The following ARID2 variants were observed in gnomAD, a reference collection of about 807,000 sequenced individuals.
The protein encoded by ARID2 is AT-rich interaction domain 2, also known as AT-rich interactive domain-containing protein 2.
ARID2 carries 32 observed loss-of-function variants against 184.6 expected under a neutral mutation model. The ratio of observed to expected loss-of-function variants is 0.17; its 90% CI spans 0.13 to 0.23. The LOEUF (loss-of-function observed/expected upper bound fraction) is 0.23, where lower values mean the gene tolerates loss of function less well. ARID2 is among the 10% of genes least tolerant of loss of function. The pLI is 1.00. For synonymous variants in ARID2, 836 were observed against 772.6 expected (o/e 1.08, Z -1.36); for missense variants, 1,696 against 2,197.6 (o/e 0.77, Z 4.56).
At chr12:45,771,683 T>C (rs988762428) in intron 3 of ARID2, among the ~76,000 whole-genome samples, 1 of 148,866 alleles carries the variant, frequency 6.7e-6, no homozygotes, top group African/African-American at 2.5e-5. Flanking sequence ...AAAGAGCAAA[T>C]GTGTAAAACT....
intron 3 of ARID2, among the ~76,000 whole-genome samples, chr12:45,795,668 C>G (rs1942379332): frequency 6.6e-6 from 1 of 151,790 alleles, no homozygotes; most frequent in Non-Finnish European, 1.5e-5. Flanking sequence ...GATCTCCTGA[C>G]CTCGTGATCC....
chr12:45,748,352 C>G lies in ARID2; in HGVS notation c.284+17038C>G, dbSNP rs147368056. On this transcript the variant is annotated intron_variant, in intron 3 of 20. Transcript: ENST00000334344. ...GCTGCAGTGAGCCATGATTGTGCCA[C>G]TGGACTCCATCTAGCCTGGACAATA... Among the ~76,000 whole-genome samples the G allele has an allele frequency of 1.5e-3, 222 of 152,308 alleles. 2 individuals are homozygous for G. In the East Asian group the frequency reaches 0.015, roughly 11 times the overall value.
intron 3 of ARID2, among the ~76,000 whole-genome samples, chr12:45,784,966 C>T (rs1169090249): frequency 2.0e-5 from 3 of 152,106 alleles, no homozygotes; most frequent in Admixed American, 1.3e-4. Flanking sequence ...CCACACAGCT[C>T]GTTAAGAAGC....
intron 16 of ARID2, among the ~76,000 whole-genome samples, chr12:45,890,875 T>C (rs188911168): frequency 6.6e-6 from 1 of 152,162 alleles, no homozygotes; most frequent in Admixed American, 6.5e-5. Flanking sequence ...ATCTTAAAGA[T>C]ATTGATTATG....
chr12:45,884,811 C>A (rs1340771625), intron 16 of ARID2, among the ~76,000 whole-genome samples: 1 of 152,118 alleles, frequency 6.6e-6, no homozygotes, highest in Non-Finnish European at 1.5e-5. Flanking sequence ...ACAAAAGCCC[C>A]CCAAGAAGGC....
intron 15 of ARID2, among the ~76,000 whole-genome samples, chr12:45,855,597 A>C (rs1050886596): frequency 1.3e-5 from 2 of 152,210 alleles, no homozygotes; most frequent in Admixed American, 6.5e-5. Flanking sequence ...ACAGACAAAA[A>C]AATTAACTGT....
At chr12:45,736,473 C>CAGGT (rs1408087568) in intron 3 of ARID2, among the ~76,000 whole-genome samples, 5 of 151,956 alleles carry the variant, frequency 3.3e-5, no homozygotes, top group African/African-American at 1.2e-4. Context: ...AGTCAGTGAG[C>CAGGT]AGGTACTTAA....
intron 11 of ARID2, among the ~76,000 whole-genome samples, chr12:45,844,621 G>A (rs1943409825): frequency 6.6e-6 from 1 of 152,098 alleles, no homozygotes; most frequent in African/African-American, 2.4e-5. Context: ...AGTGTTCCAC[G>A]TTACACTATA....
intron 16 of ARID2, among the ~76,000 whole-genome samples, chr12:45,889,998 C>T (rs1481008571): frequency 1.3e-5 from 2 of 152,206 alleles, no homozygotes; most frequent in African/African-American, 2.4e-5. Context: ...CTACTTTTCA[C>T]CTTCATGTGA....
intron 20 of ARID2, among the ~76,000 whole-genome samples, chr12:45,901,433 G>A (rs564888663): frequency 6.6e-6 from 1 of 151,844 alleles, no homozygotes; most frequent in Admixed American, 6.6e-5. Flanking sequence ...GCCTCCCAAA[G>A]TGCTGGGATT....
chr12:45,892,624 C>G (rs143022330), intron 18 of ARID2, among the ~76,000 whole-genome samples: 1 of 152,074 alleles, frequency 6.6e-6, no homozygotes, highest in Non-Finnish European at 1.5e-5. Flanking sequence ...AATACCCCTG[C>G]TTTTCAGATG....
At chr12:45,902,024 G>T (rs570424890) in intron 20 of ARID2, among the ~76,000 whole-genome samples, 29 of 152,262 alleles carry the variant, frequency 1.9e-4, no homozygotes, top group African/African-American at 7.0e-4. Flanking sequence ...GGAGGGAATG[G>T]AAAGAAACTT....
intron 6 of ARID2, among the ~76,000 whole-genome samples, chr12:45,823,962 C>T (rs1022780188): frequency 9.2e-5 from 14 of 152,098 alleles, no homozygotes; most frequent in African/African-American, 3.4e-4. Flanking sequence ...GATACCAAAA[C>T]CAGGCAAGTA....
chr12:45,846,935 G>A lies in ARID2; in HGVS notation c.1578G>A (p.Gln526=), dbSNP rs1354580584. Reference sequence around the variant, plus strand: ...TAGATAGTGAGAAGTTTGCTTGTCAGTGGTAAGTGGTTTATTTCTATTAAG... The same window carrying A: ...TAGATAGTGAGAAGTTTGCTTGTCAATGGTAAGTGGTTTATTTCTATTAAG... ...VEIDSEKFAC[Q]WLNAHFEVNP... The change falls in exon 12 of 21, where the codon CAG becomes CAA. Residue 526 remains glutamine, a splice_region_variant and synonymous_variant. Transcript: ENST00000334344. 1.2e-6 allele frequency: 2 copies of A among 1,612,548 alleles called. No individual in the cohort carries two copies. The highest frequency in any genetic ancestry group is 3.3e-5 in the Admixed American group (2 of 59,948).
At chr12:45,808,521 TG>T (rs1214790052) in intron 3 of ARID2, among the ~76,000 whole-genome samples, 2 of 152,158 alleles carry the variant, frequency 1.3e-5, no homozygotes, top group Non-Finnish European at 2.9e-5. Flanking sequence ...CCAGAAATGA[TG>T]TATTTTTAAA....
At chr12:45,730,835 C>T (rs1299458922) in intron 2 of ARID2, among the ~76,000 whole-genome samples, 2 of 142,150 alleles carry the variant, frequency 1.4e-5, no homozygotes, top group African/African-American at 5.2e-5. Flanking sequence ...CCCCAACCCG[C>T]GGACGTCGCT....
In ARID2 at chr12:45,829,753, TGTC is replaced by T. The variant is rs908531009; in HGVS notation, c.706-6835_706-6833del. On this transcript the variant is annotated intron_variant, in intron 6 of 20. Transcript: ENST00000334344. The stretch of plus-strand genomic sequence containing the variant: ...ATAAGTTATATTTTTCTTGTATTAT[TGTC>T]ATTCTATTGTTTTCTGCCTTTTCTT... 2.2e-4 allele frequency among the ~76,000 whole-genome samples: 33 copies of T among 151,160 alleles called. 1 individual carries two copies. Among genetic ancestry groups the T allele is most frequent in the African/African-American group, 7.7e-4 (32 of 41,460 alleles).
chr12:45,889,269 T>C (rs1944251908), intron 16 of ARID2, among the ~76,000 whole-genome samples: 1 of 152,258 alleles, frequency 6.6e-6, no homozygotes, highest in Non-Finnish European at 1.5e-5. Context: ...GTCCCAGTTT[T>C]GTTTAAAAAC....
rs1943228572 is a variant in ARID2, at chr12:45,836,798, G to A, written c.830G>A (p.Gly277Asp). The A allele has an allele frequency of 6.2e-7, 1 of 1,613,964 alleles. No homozygotes were observed. The highest frequency in any genetic ancestry group is 1.7e-5 in the Admixed American group (1 of 59,994). The change falls in exon 8 of 21, where the codon GGC becomes GAC. Residue 277 changes from glycine (G) to aspartate (D), a missense_variant. By Grantham distance (94) the Gly-to-Asp change is moderately conservative. This residue lies in a region of ARID2 where 148 missense variants were observed against 285.4 expected (regional missense o/e 0.52). Coordinates refer to ENST00000334344, the MANE Select transcript of ARID2 (RefSeq NM_152641.4). ...TTATTTCATCCACCTCGAAAGCTGG[G>A]CATTAACGATATTGAAGGACAGCGG... The part of the protein sequence containing the change: ...ESLFHPPRKL[G>D]INDIEGQRVL...
Sources: gnomAD v4.1 joint callset for allele counts (sites outside exome capture counted in the v4.1 genomes callset) on GRCh38, gnomAD v4.1.1 for gene constraint, gnomAD v4.1.1 regional missense constraint, MANE v1.5 for transcripts, NCBI Gene and HGNC (gene_info 2026-07-23, HGNC 2026-07-21) for gene names.